The following PTS variants were observed in gnomAD, a reference collection of about 807,000 sequenced individuals.
PTS encodes the protein 6-pyruvoyltetrahydropterin synthase, also known as 6-pyruvoyl tetrahydrobiopterin synthase.
PTS carries 23 observed loss-of-function variants against 20.6 expected under a neutral mutation model. The observed-to-expected ratio is 1.12, with a 90% CI of 0.80 to 1.58. The LOEUF (loss-of-function observed/expected upper bound fraction) is 1.58. PTS is among the 40% of genes most tolerant of loss of function. The pLI, the probability that PTS is intolerant of heterozygous loss-of-function variation, is 0.00. For missense variants in PTS, 186 were observed against 182.4 expected (o/e 1.02, Z -0.11); for synonymous variants, 65 against 62.5 (o/e 1.04, Z -0.19).
At chr11:112,230,152 A>AT (rs959308063) in intron 2 of PTS, 56 bp from the exon 3 acceptor site, 6 of 1,527,932 alleles carry the variant, frequency 3.9e-6, no homozygotes, top group Non-Finnish European at 5.4e-6. Flanking sequence ...TTGTGCTTGG[A>AT]TGTTGATCTG....
chr11:112,231,920 CAG>C (rs1234103726), intron 4 of PTS, among the ~76,000 whole-genome samples: 10 of 88,272 alleles, frequency 1.1e-4, no homozygotes, highest in Admixed American at 3.7e-4. Context: ...GAGGGGAGGA[CAG>C]GGGAGGAGAG....
At chr11:112,232,951 A>T (rs1859959647) in intron 4 of PTS, among the ~76,000 whole-genome samples, 3 of 152,238 alleles carry the variant, frequency 2.0e-5, no homozygotes, top group Admixed American at 2.0e-4. Context: ...TTATTCAGTA[A>T]CAAGGATTCC....
At chr11:112,232,637 T>C (rs889976038) in intron 4 of PTS, among the ~76,000 whole-genome samples, 1 of 152,200 alleles carries the variant, frequency 6.6e-6, no homozygotes, top group Non-Finnish European at 1.5e-5. Context: ...AGTAATAGTC[T>C]TTACATATAT....
At chr11:112,231,728 A>G (rs1859933161) in intron 4 of PTS, among the ~76,000 whole-genome samples, 1 of 152,098 alleles carries the variant, frequency 6.6e-6, no homozygotes, top group African/African-American at 2.4e-5. Flanking sequence ...GGTGAAGAAT[A>G]TTATTAAATA....
intron 4 of PTS, among the ~76,000 whole-genome samples, chr11:112,232,147 G>C (rs555403213): frequency 4.2e-4 from 64 of 152,178 alleles, no homozygotes; most frequent in African/African-American, 1.1e-3. Context: ...GCTCTACCGT[G>C]GGGGGAGGAT....
rs1020144830 is a variant in PTS, at chr11:112,233,092, C to T, written c.244-71C>T. The T allele has an allele frequency of 3.6e-6, 5 of 1,372,154 alleles. No homozygotes were observed. The Admixed American group carries it at 8.4e-5, about 23-fold the overall frequency. 85.0% of individuals were successfully genotyped at this position (1,372,154 alleles called of 1,614,324 possible). A position where few individuals can be genotyped will look rare whatever the true frequency, so the allele number is the denominator to read the frequency against. ...TAAGTGATAAGGTGAGGTTTAGAGG[C>T]ATAAGTGGAACAATTTGGAATTTGA... On this transcript the variant is annotated intron_variant, in intron 4 of 5. Coordinates refer to ENST00000280362, the MANE Select transcript of PTS (RefSeq NM_000317.3).
chr11:112,226,557 C>T (rs1283830715), intron 1 of PTS, 31 bp downstream of exon 1: 2 of 1,501,866 alleles, frequency 1.3e-6, no homozygotes. Flanking sequence ...CAGCGGCGGG[C>T]GGTGGGCGCC....
In PTS at chr11:112,226,578, A is replaced by G. The variant is rs1049835270; in HGVS notation, c.83+52A>G. 3.0e-5 allele frequency: 44 copies of G among 1,449,904 alleles called. 1 individual carries two copies. The highest frequency in any genetic ancestry group is 5.9e-5 in the East Asian group (2 of 34,044). 89.8% of individuals were successfully genotyped at this position (1,449,904 alleles called of 1,614,324 possible). ...CGGGCGGTGGGCGCCGGGCCCCGGA[A>G]CGTCACCGGGGCGGGGCCGGCGGGC... On this transcript the variant is annotated intron_variant, in intron 1 of 5. Transcript: ENST00000280362.
chr11:112,230,777 T>C, intron 4 of PTS, 95 bp downstream of exon 4: 1 of 1,112,464 alleles, frequency 9.0e-7, no homozygotes, highest in Admixed American at 1.7e-5. Flanking sequence ...CTCCTAAGGT[T>C]CCATGACTTT....
chr11:112,228,546 GA>G (rs759095045), intron 1 of PTS, 47 bp from the exon 2 acceptor site: 1 of 1,476,804 alleles, frequency 6.8e-7, no homozygotes, highest in Non-Finnish European at 9.3e-7. Context: ...AAGGGGGTTT[GA>G]ATGTGATACT....
intron 1 of PTS, chr11:112,228,226 A>G (rs943086368): frequency 5.9e-5 from 13 of 219,304 alleles, no homozygotes; most frequent in African/African-American, 2.1e-4. Context: ...ATCACCATCT[A>G]TGTTTATCAT....
At chr11:112,228,848 G>GT in intron 2 of PTS, 175 bp downstream of exon 2, 1 of 659,500 alleles carries the variant, frequency 1.5e-6, no homozygotes, top group Non-Finnish European at 2.6e-6. Context: ...TTGGGTGTGT[G>GT]TTAAGTTTTA....
At chr11:112,231,229 T>C (rs1292829750) in intron 4 of PTS, among the ~76,000 whole-genome samples, 10 of 152,152 alleles carry the variant, frequency 6.6e-5, no homozygotes, top group Admixed American at 4.6e-4. Flanking sequence ...CCTTTGATCA[T>C]AGATTTAGAC....
intron 1 of PTS, 61 bp downstream of exon 1, chr11:112,226,587 G>A: frequency 4.9e-6 from 7 of 1,422,934 alleles, no homozygotes; most frequent in Non-Finnish European, 6.6e-6. Context: ...AACGTCACCG[G>A]GGCGGGGCCG....
intron 1 of PTS, among the ~76,000 whole-genome samples, chr11:112,227,777 A>G (rs1026224189): frequency 3.9e-5 from 6 of 152,168 alleles, no homozygotes; most frequent in Non-Finnish European, 5.9e-5. Context: ...CCATGAGCCA[A>G]ACATCTCCCA....
intron 2 of PTS, 57 bp downstream of exon 2, chr11:112,228,730 C>A: frequency 6.9e-7 from 1 of 1,447,182 alleles, no homozygotes; most frequent in Non-Finnish European, 9.7e-7. Context: ...GAGTATTCAG[C>A]AAATGTAGAC....
In PTS at chr11:112,233,532, A is replaced by T; in HGVS notation, c.415A>T (p.Ile139Phe). 6.2e-7 allele frequency: 1 copy of T among 1,613,702 alleles called. No individual in the cohort carries two copies. Among genetic ancestry groups the T allele is most frequent in the African/African-American group, 1.3e-5 (1 of 75,030 alleles). ...KVKVYETDNN[I>F]VVYKGE ...AAAAGTATACGAAACTGACAATAAT[A>T]TTGTGGTTTATAAAGGAGAATAGCT... is the stretch of plus-strand genomic sequence containing the variant. Residue 139 changes from isoleucine (I) to phenylalanine (F), a missense_variant, in exon 6 of 6, where the codon ATT (isoleucine) becomes TTT (phenylalanine). Physicochemically the swap from Ile to Phe is conservative, Grantham distance 21 (BLOSUM62 0). Coordinates refer to ENST00000280362, the MANE Select transcript of PTS (RefSeq NM_000317.3).
At chr11:112,230,055 A>G (rs1859910050) in intron 2 of PTS, 153 bp from the exon 3 acceptor site, 2 of 775,486 alleles carry the variant, frequency 2.6e-6, no homozygotes, top group Non-Finnish European at 2.2e-6. Flanking sequence ...CTAAAATAAC[A>G]GATGTTTTGG....
chr11:112,233,080 G>A, intron 4 of PTS, 83 bp from the exon 5 acceptor site: 1 of 1,236,180 alleles, frequency 8.1e-7, no homozygotes, highest in East Asian at 2.3e-5. Flanking sequence ...GTGATAAGGT[G>A]AGGTTTAGAG....
Sources: allele counts gnomAD v4.1 joint callset (sites outside exome capture counted in the v4.1 genomes callset), GRCh38; gene constraint gnomAD v4.1.1; transcripts MANE v1.5; gene names NCBI Gene and HGNC (gene_info 2026-07-23, HGNC 2026-07-21).